Variants in DNAH10 observed in about 807,000 individuals in gnomAD.
The protein encoded by DNAH10 is axonemal beta dynein heavy chain 10.
A neutral mutation model predicts 506.6 loss-of-function variants in DNAH10; 348 were observed. That is an observed-to-expected ratio of 0.69 (90% confidence interval 0.63 to 0.75). The LOEUF is 0.75. DNAH10 is among the 30% of genes least tolerant of loss of function. The pLI is 0.00. For synonymous variants in DNAH10, 2,059 were observed against 2,198.6 expected (o/e 0.94, Z 1.78); for missense variants, 5,179 against 5,787.1 (o/e 0.89, Z 3.41).
At chr12:123,766,124 AT>A (rs1957039553) in intron 1 of DNAH10, among the ~76,000 whole-genome samples, 1 of 151,644 alleles carries the variant, frequency 6.6e-6, no homozygotes, top group African/African-American at 2.4e-5. Flanking sequence ...CTATCTATCT[AT>A]ACATCTATCT....
intron 65 of DNAH10, among the ~76,000 whole-genome samples, chr12:123,921,691 G>GTTTTTTTTTTTTT (rs35553163): frequency 4.8e-5 from 3 of 62,882 alleles, no homozygotes; most frequent in Non-Finnish European, 8.5e-5. Context: ...GTAGCTTGCA[G>GTTTTTTTTTTTTT]TTTTTTTTTT....
rs1958017650 is a variant in DNAH10, at chr12:123,789,982, A to G, written c.1676A>G (p.Asp559Gly). 1.2e-6 allele frequency: 2 copies of G among 1,613,986 alleles called. No homozygotes were observed. The highest frequency in any genetic ancestry group is 1.7e-6 in the Non-Finnish European group (2 of 1,179,962). Residue 559 changes from aspartate to glycine, a missense_variant, in exon 11 of 79, where the codon GAC becomes GGC. Asp to Gly is a moderately conservative substitution (Grantham distance 94, BLOSUM62 -1). Transcript: ENST00000673944. ...FGPELKAVTG[D>G]PKRIDDVLCR... ...CCAGAACTAAAGGCAGTGACGGGGGACCCCAAGCGCATTGATGATGTCCTA... is the reference window on the plus strand; with the variant it reads ...CCAGAACTAAAGGCAGTGACGGGGGGCCCCAAGCGCATTGATGATGTCCTA...
intron 62 of DNAH10, 106 bp downstream of exon 62, chr12:123,915,105 GCT>G: frequency 7.2e-7 from 1 of 1,398,170 alleles, no homozygotes; most frequent in Non-Finnish European, 9.4e-7. Context: ...GCGAGGCTGG[GCT>G]GAAATGCTTC....
At position 123,820,763 on chromosome 12, in the gene DNAH10, G is replaced by A. The variant is rs750995681; in HGVS notation, c.4179+5G>A. 1 of 1,613,610 alleles carries A rather than the reference G, an allele frequency of 6.2e-7. No homozygotes were observed. The highest frequency in any genetic ancestry group is 1.1e-5 in the South Asian group (1 of 91,028). ...GAGCTCTATGAAGGACTAAAGGTGA[G>A]CATCTCCCTGAAAGCGAAGGACTCA... is the stretch of plus-strand genomic sequence containing the variant. On this transcript the variant is annotated splice_donor_5th_base_variant and intron_variant, in intron 24 of 78. Transcript: ENST00000673944.
At chr12:123,921,799 C>T (rs1373277112) in intron 65 of DNAH10, among the ~76,000 whole-genome samples, 2 of 136,238 alleles carry the variant, frequency 1.5e-5, no homozygotes, top group South Asian at 2.5e-4. Flanking sequence ...CTGCAACCTT[C>T]GCCTCCTGGG....
rs1173833489 is a variant in DNAH10 at position 123,926,447 on chromosome 12, G to A, written c.11922-190G>A. 5.0e-6 allele frequency: 3 copies of A among 596,178 alleles called. No individual in the cohort carries two copies. The African/African-American group carries it at 5.7e-5, about 11-fold the overall frequency. 36.9% of individuals were successfully genotyped at this position (596,178 alleles called of 1,614,324 possible). ...GTACAGAGAAGTCCCTGCCACTCAG[G>A]AGTTCCCCATCAGGGTGGGAGACGT... On this transcript the variant is annotated intron_variant, in intron 68 of 78. Transcript: ENST00000673944. The surrounding 1 kb of genome is among the most constrained non-coding windows in gnomAD (Gnocchi z 4.1).
At chr12:123,847,276 ATCCT>A (rs1482767055) in intron 32 of DNAH10, among the ~76,000 whole-genome samples, 3 of 148,234 alleles carry the variant, frequency 2.0e-5, no homozygotes, top group Non-Finnish European at 4.4e-5. Flanking sequence ...CCATCCATCC[ATCCT>A]GTCTATTTAT....
intron 18 of DNAH10, among the ~76,000 whole-genome samples, chr12:123,807,842 GGA>G: frequency 1.2e-5 from 1 of 80,948 alleles, no homozygotes; most frequent in East Asian, 3.6e-4. Context: ...GAGGGAGAGA[GGA>G]AGGGAGAAGC....
intron 19 of DNAH10, among the ~76,000 whole-genome samples, chr12:123,812,247 C>T (rs531998555): frequency 2.6e-5 from 4 of 152,052 alleles, no homozygotes; most frequent in East Asian, 1.9e-4. Flanking sequence ...GTCAGGAGAT[C>T]GAGGCCATCC....
chr12:123,844,929 C>T (rs1195306072), intron 30 of DNAH10, among the ~76,000 whole-genome samples: 4 of 152,114 alleles, frequency 2.6e-5, no homozygotes, highest in Non-Finnish European at 5.9e-5. Flanking sequence ...TGTGAGCCAC[C>T]GTGCCCAGCC....
intron 45 of DNAH10, among the ~76,000 whole-genome samples, chr12:123,872,750 G>A (rs1167377226): frequency 6.6e-6 from 1 of 152,106 alleles, no homozygotes; most frequent in Non-Finnish European, 1.5e-5. Context: ...ATTCAAGGCT[G>A]CAGTGAGCTA....
intron 33 of DNAH10, among the ~76,000 whole-genome samples, chr12:123,848,408 G>A (rs996992393): frequency 6.6e-6 from 1 of 152,188 alleles, no homozygotes; most frequent in African/African-American, 2.4e-5. Context: ...TCTAAAGAGG[G>A]TGCCCGTCCA....
At chr12:123,930,318 T>G in intron 72 of DNAH10, 84 bp from the exon 73 acceptor site, 1 of 1,347,604 alleles carries the variant, frequency 7.4e-7, no homozygotes, top group South Asian at 1.8e-5. Flanking sequence ...CTCTTGACCC[T>G]GGGTGAGCCT....
Position 123,801,449 on chromosome 12 carries a change from A to G in DNAH10, c.2614+17A>G, listed in dbSNP as rs975590656. Reference sequence around the variant, plus strand: ...ACTCACTAGGTAACGTCATTCATCTATTGATTGCCTTTTAGACTTGGGATG... The same window carrying G: ...ACTCACTAGGTAACGTCATTCATCTGTTGATTGCCTTTTAGACTTGGGATG... On this transcript the variant is annotated intron_variant, in intron 16 of 78. Coordinates refer to ENST00000673944, the MANE Select transcript of DNAH10 (RefSeq NM_001372106.1). 1.9e-6 allele frequency: 3 copies of G among 1,607,000 alleles called. No individual in the cohort carries two copies. The highest frequency in any genetic ancestry group is 1.6e-4 in the Middle Eastern group (1 of 6,066).
rs147349665 is a variant in DNAH10, at chr12:123,790,685, A to G, written c.1815+564A>G. Reference sequence around the variant, plus strand: ...AGCAAACAGAGGGGTTTGGCATAACACATATGGGTAGTAGAGGGAAATCAA... The same window carrying G: ...AGCAAACAGAGGGGTTTGGCATAACGCATATGGGTAGTAGAGGGAAATCAA... On this transcript the variant is annotated intron_variant, in intron 11 of 78. Coordinates refer to ENST00000673944, the MANE Select transcript of DNAH10 (RefSeq NM_001372106.1). 2.7e-4 allele frequency among the ~76,000 whole-genome samples: 41 copies of G among 152,302 alleles called. No individual in the cohort carries two copies. In the East Asian group the frequency reaches 7.5e-3, roughly 28 times the overall value.
rs1594259082 is a variant in DNAH10, at chr12:123,875,294, T to C, written c.8002T>C (p.Leu2668=). 1 of 1,613,290 alleles carries C rather than the reference T, an allele frequency of 6.2e-7. No individual in the cohort carries two copies. Among genetic ancestry groups the C allele is most frequent in the Non-Finnish European group, 8.5e-7 (1 of 1,179,550 alleles). ...LLKLLLEKGY[L]YDRGKELNCK... The stretch of plus-strand genomic sequence containing the variant: ...GAAGCTGCTGTTGGAAAAAGGCTAC[T>C]TATATGACCGTGGGAAGGAGCTGAA... Residue 2668 remains leucine, a synonymous_variant, in exon 47 of 79, where the codon TTA becomes CTA. Transcript: ENST00000673944.
intron 10 of DNAH10, 47 bp downstream of exon 10, chr12:123,788,049 T>C: frequency 6.5e-7 from 1 of 1,549,390 alleles, no homozygotes; most frequent in Non-Finnish European, 8.7e-7. Flanking sequence ...AAGAAGGCAG[T>C]TGGCTTTTGA....
At position 123,903,016 on chromosome 12, in the gene DNAH10, G is replaced by T. The variant is rs1377510977; in HGVS notation, c.9718G>T (p.Ala3240Ser). 1.2e-6 allele frequency: 2 copies of T among 1,602,704 alleles called. No individual in the cohort carries two copies. Among genetic ancestry groups the T allele is most frequent in the African/African-American group, 2.7e-5 (2 of 74,616 alleles). The change falls in exon 57 of 79, where the codon GCC (alanine) becomes TCC (serine). Residue 3240 changes from alanine to serine, a missense_variant. Ala to Ser is a moderately conservative substitution (Grantham distance 99, BLOSUM62 1). Transcript: ENST00000673944. This position sits in a 1 kb window ranked among gnomAD's most constrained non-coding sequence, Gnocchi z 4.6. ...EQNKVIAMEK[A>S]EAETTLAEVM... is the part of the protein sequence containing the mutation. ...GAACAAAGTCATTGCCATGGAGAAG[G>T]CCGAGGCCGAGACGACCCTGGCAGA...
chr12:123,764,942 T>C (rs1028680314), intron 1 of DNAH10, among the ~76,000 whole-genome samples: 4 of 152,120 alleles, frequency 2.6e-5, no homozygotes, highest in Non-Finnish European at 5.9e-5. Context: ...CCACACGTTG[T>C]CACTCACTCT....
Sources: gnomAD v4.1 joint callset for allele counts (sites outside exome capture counted in the v4.1 genomes callset) on GRCh38, gnomAD v4.1.1 for gene constraint, Gnocchi (gnomAD v3.1) non-coding constraint, MANE v1.5 for transcripts, NCBI Gene and HGNC (gene_info 2026-07-23, HGNC 2026-07-21) for gene names.